KITLG: variants seen among roughly 807,000 people sequenced by gnomAD.
KITLG encodes the protein c-Kit ligand.
KITLG carries 13 observed loss-of-function variants against 34.1 expected under a neutral mutation model. The observed-to-expected ratio is 0.38, with a 90% CI of 0.25 to 0.61. The LOEUF (loss-of-function observed/expected upper bound fraction) is 0.61, where lower values mean the gene tolerates loss of function less well. KITLG is among the 20% of genes least tolerant of loss of function. The probability of loss-of-function intolerance (pLI) is 0.60; values close to 1 mark genes in which losing one functional copy is unlikely to be tolerated. For synonymous variants in KITLG, 110 were observed against 104.0 expected (o/e 1.06, Z -0.35); for missense variants, 292 against 318.9 (o/e 0.92, Z 0.64).
chr12:88,546,219 C>A (rs1870715722), intron 1 of KITLG, among the ~76,000 whole-genome samples: 1 of 152,126 alleles, frequency 6.6e-6, no homozygotes. Context: ...TACCTTATGG[C>A]ACCAAAAGAA....
At chr12:88,506,452 C>T (rs1379025748) in intron 7 of KITLG, 74 bp from the exon 8 acceptor site, 2 of 1,028,432 alleles carry the variant, frequency 1.9e-6, no homozygotes, top group African/African-American at 1.6e-5. Flanking sequence ...AAGTGGACTC[C>T]ACTTTTATCT....
At chr12:88,531,095 T>A (rs1870066413) in intron 3 of KITLG, among the ~76,000 whole-genome samples, 2 of 152,200 alleles carry the variant, frequency 1.3e-5, no homozygotes, top group South Asian at 4.1e-4. Flanking sequence ...ATAAAACAAC[T>A]TGTCAAAGCA....
chr12:88,506,784 T>C (rs1268105632), intron 7 of KITLG, among the ~76,000 whole-genome samples: 2 of 152,234 alleles, frequency 1.3e-5, no homozygotes, highest in East Asian at 3.8e-4. Context: ...TCGTCAGATC[T>C]TCCTTTTCAT....
In KITLG at chr12:88,580,433, G is replaced by T; in HGVS notation, c.-155C>A. ...GCCCTCTCCACTGTCCCTGCTTCCC[G>T]CAGCGCTTCTAGTCTCGGCGCGAGG... On this transcript the variant is annotated 5_prime_UTR_variant, in exon 1 of 10. Transcript: ENST00000644744. 1 of 909,518 alleles carries T rather than the reference G, an allele frequency of 1.1e-6. No homozygotes were observed. The highest frequency in any genetic ancestry group is 1.7e-6 in the Non-Finnish European group (1 of 575,470). The allele number at this position is 909,518 out of a possible 1,614,324, so 56.3% of individuals were successfully genotyped here. A position where few individuals can be genotyped will look rare whatever the true frequency, so the allele number is the denominator to read the frequency against.
rs540871936 is a variant in KITLG at position 88,573,605 on chromosome 12, A to G, written c.15+6659T>C. On this transcript the variant is annotated intron_variant, in intron 1 of 9. Transcript: ENST00000644744. ...TATGTCAAGGTGAAAAAGAGGGAAA[A>G]GTTCTAAGCACTCACAGGGCTTATG... Among the ~76,000 whole-genome samples, 12 of 152,230 alleles carry G rather than the reference A, an allele frequency of 7.9e-5. No individual in the cohort carries two copies. The East Asian group carries it at 2.1e-3, about 27-fold the overall frequency.
In KITLG at chr12:88,502,119, C is replaced by T. The variant is rs901938023; in HGVS notation, c.*37+3040G>A. ...CCTTGGTGGAGCTTTGCAGAGATGA[C>T]GAGTAAGGCACTTTGTGAAGGAGAA... On this transcript the variant is annotated intron_variant, in intron 9 of 9. Transcript: ENST00000644744. Among the ~76,000 whole-genome samples, 38 of 152,042 alleles carry T rather than the reference C, an allele frequency of 2.5e-4. 1 individual carries two copies. Among genetic ancestry groups the T allele is most frequent in the Admixed American group, 2.0e-3 (31 of 15,258 alleles).
At chr12:88,525,741 A>G (rs991639380) in intron 3 of KITLG, among the ~76,000 whole-genome samples, 1 of 152,208 alleles carries the variant, frequency 6.6e-6, no homozygotes, top group African/African-American at 2.4e-5. Flanking sequence ...GTCACAAGAT[A>G]ATAAACTAAA....
Position 88,536,838 on chromosome 12 carries a change from T to C in KITLG, c.130-4335A>G, listed in dbSNP as rs146233813. 3.8e-3 allele frequency among the ~76,000 whole-genome samples: 579 copies of C among 152,010 alleles called. 3 individuals carry two copies. Among genetic ancestry groups the C allele is most frequent in the African/African-American group, 0.012 (518 of 41,456 alleles). The stretch of plus-strand genomic sequence containing the variant: ...ATCACACACCAGGGCCTGTTGGGTA[T>C]TGGGGGGCTAGGCGAAGGATAGCAC... On this transcript the variant is annotated intron_variant, in intron 2 of 9. Transcript: ENST00000644744.
intron 1 of KITLG, among the ~76,000 whole-genome samples, chr12:88,574,177 G>A (rs1489883765): frequency 6.6e-6 from 1 of 151,336 alleles, no homozygotes; most frequent in Admixed American, 6.6e-5. Context: ...CTTCATGGTT[G>A]TGGCCCTGTT....
chr12:88,565,485 A>G (rs1871413443), intron 1 of KITLG, among the ~76,000 whole-genome samples: 1 of 151,948 alleles, frequency 6.6e-6, no homozygotes, highest in Non-Finnish European at 1.5e-5. Flanking sequence ...ATTAGCCGGG[A>G]GTGGTGGCAC....
intron 1 of KITLG, among the ~76,000 whole-genome samples, chr12:88,556,501 G>A (rs1389530313): frequency 1.3e-5 from 2 of 152,158 alleles, no homozygotes; most frequent in African/African-American, 2.4e-5. Context: ...AGTGAGAATG[G>A]AGAGAAATGA....
chr12:88,508,224 A>G (rs1869144495), intron 6 of KITLG, among the ~76,000 whole-genome samples: 1 of 152,232 alleles, frequency 6.6e-6, no homozygotes, highest in Admixed American at 6.5e-5. Flanking sequence ...CACGAATTAA[A>G]TAAACAAAAC....
At chr12:88,500,845 T>A (rs372765561) in intron 9 of KITLG, among the ~76,000 whole-genome samples, 5 of 152,208 alleles carry the variant, frequency 3.3e-5, no homozygotes, top group Non-Finnish European at 5.9e-5. Context: ...TGTGATTTGA[T>A]CATGGCTTAT....
intron 9 of KITLG, among the ~76,000 whole-genome samples, chr12:88,500,874 G>C (rs1868825484): frequency 6.6e-6 from 1 of 152,068 alleles, no homozygotes; most frequent in Admixed American, 6.6e-5. Context: ...CAACCTCTCG[G>C]GCTCAGGCAA....
intron 3 of KITLG, among the ~76,000 whole-genome samples, chr12:88,521,909 C>T (rs566656438): frequency 6.6e-6 from 1 of 152,032 alleles, no homozygotes; most frequent in Non-Finnish European, 1.5e-5. Context: ...GTACTTATAA[C>T]ATGTTATTAT....
intron 1 of KITLG, among the ~76,000 whole-genome samples, chr12:88,578,311 C>G (rs889906802): frequency 3.9e-5 from 6 of 152,126 alleles, no homozygotes; most frequent in African/African-American, 7.2e-5. Context: ...CTTCATTCAA[C>G]AAGGGTACTG....
intron 2 of KITLG, 44 bp from the exon 3 acceptor site, chr12:88,532,547 A>G (rs767785576): frequency 3.9e-6 from 5 of 1,280,574 alleles, no homozygotes; most frequent in Non-Finnish European, 5.6e-6. Flanking sequence ...ATTCTTATAC[A>G]TCAATTAATC....
chr12:88,518,799 C>T lies in KITLG; in HGVS notation c.261G>A (p.Lys87=), dbSNP rs1479766591. 6.2e-7 allele frequency: 1 copy of T among 1,613,570 alleles called. No individual in the cohort carries two copies. Among genetic ancestry groups the T allele is most frequent in the African/African-American group, 1.3e-5 (1 of 75,028 alleles). ...LSDSLTDLLD[K]FSNISEGLSN... Reference sequence around the variant, plus strand: ...TCAAGCCTTCAGAAATATTTGAAAACTTGTCCAGAAGATCAGTCAAGCTGT... The same window carrying T: ...TCAAGCCTTCAGAAATATTTGAAAATTTGTCCAGAAGATCAGTCAAGCTGT... The change falls in exon 4 of 10, where the codon AAG becomes AAA. Residue 87 remains lysine, a synonymous_variant. Coordinates refer to ENST00000644744, the MANE Select transcript of KITLG (RefSeq NM_000899.5).
rs867731542 is a variant in KITLG, at chr12:88,507,090, T to C, written c.652A>G (p.Met218Val). The change falls in exon 7 of 10, where the codon ATG becomes GTG. Residue 218 changes from methionine to valine, a missense_variant. Coordinates refer to ENST00000644744, the MANE Select transcript of KITLG (RefSeq NM_000899.5). ...PGDSSLHWAAMALPALFSLII... is the reference protein window; with the variant it reads ...PGDSSLHWAAVALPALFSLII... ...AGAGAAAACAATGCTGGCAATGCCATGGCTGCCCAGTGTAGGCTGGAGTCT... is the reference window on the plus strand; with the variant it reads ...AGAGAAAACAATGCTGGCAATGCCACGGCTGCCCAGTGTAGGCTGGAGTCT... The C allele has an allele frequency of 6.2e-7, 1 of 1,613,904 alleles. No individual in the cohort carries two copies. Among genetic ancestry groups the C allele is most frequent in the Non-Finnish European group, 8.5e-7 (1 of 1,179,808 alleles).
Sources: gnomAD v4.1 joint callset for allele counts (sites outside exome capture counted in the v4.1 genomes callset) on GRCh38, gnomAD v4.1.1 for gene constraint, MANE v1.5 for transcripts, NCBI Gene and HGNC (gene_info 2026-07-23, HGNC 2026-07-21) for gene names.